The following NRG4 variants were observed in gnomAD, a reference collection of about 807,000 sequenced individuals.
NRG4 encodes the protein pro-neuregulin-4, membrane-bound isoform.
NRG4 carries 10 observed loss-of-function variants against 15.0 expected under a neutral mutation model. The ratio of observed to expected loss-of-function variants is 0.67; its 90% CI spans 0.41 to 1.13. The LOEUF (loss-of-function observed/expected upper bound fraction) is 1.13. Ranked by LOEUF, NRG4 falls within the 50% of genes most tolerant of loss-of-function variation. NRG4 has a pLI of 0.00. For missense variants in NRG4, 139 were observed against 140.2 expected, an observed-to-expected ratio of 0.99 and a Z score of 0.04; for synonymous variants, 41 against 50.1, an observed-to-expected ratio of 0.82 and a Z score of 0.77.
At chr15:75,939,604 C>T (rs1428087941), downstream of NRG4, 2 of 152,090 alleles carry the variant, frequency 1.3e-5, no homozygotes, top group Non-Finnish European at 2.9e-5. Context: ...GATTACAGAC[C>T]AGTTATTCCT....
chr15:76,030,293 C>A (rs2035440643), intron 5 of NRG4, among the ~76,000 whole-genome samples: 1 of 151,746 alleles, frequency 6.6e-6, no homozygotes, highest in African/African-American at 2.4e-5. Context: ...AACAAACAAA[C>A]AAAAACAAAG....
intron 5 of NRG4, among the ~76,000 whole-genome samples, chr15:75,955,662 A>T (rs1443220871): frequency 6.6e-6 from 1 of 152,090 alleles, no homozygotes; most frequent in Non-Finnish European, 1.5e-5. Context: ...CCAGTCCCTT[A>T]TATCTGTGTA....
At chr15:75,989,818 T>C (rs779705003) in intron 3 of NRG4, among the ~76,000 whole-genome samples, 133 of 152,350 alleles carry the variant, frequency 8.7e-4, no homozygotes, top group Non-Finnish European at 1.3e-3. Flanking sequence ...TAATTTTGCA[T>C]TGCTTGCTGA....
chr15:75,946,167 C>A (rs2031491826), intron 5 of NRG4, among the ~76,000 whole-genome samples: 1 of 152,186 alleles, frequency 6.6e-6, no homozygotes, highest in African/African-American at 2.4e-5. Flanking sequence ...CGGGAGATTT[C>A]ATCATGTTGC....
Position 75,943,269 on chromosome 15 carries a change from C to T in NRG4, c.*369G>A, listed in dbSNP as rs1239795279. ...TTTTGAAGCCACTAAGCCAGCTACT[C>T]CTTGCATTTAAAGGGTTTTCATCCT... is the stretch of plus-strand genomic sequence containing the variant. On this transcript the variant is annotated 3_prime_UTR_variant, in exon 6 of 6. Coordinates refer to ENST00000394907, the MANE Select transcript of NRG4 (RefSeq NM_138573.4). 5.3e-6 allele frequency: 1 copy of T among 190,160 alleles called. No individual in the cohort carries two copies. Among genetic ancestry groups the T allele is most frequent in the Non-Finnish European group, 1.1e-5 (1 of 93,692 alleles). 11.8% of individuals were successfully genotyped at this position (190,160 alleles called of 1,614,324 possible).
chr15:76,017,404 C>T (rs2141921817), upstream of NRG4, among the ~76,000 whole-genome samples: 1 of 151,980 alleles, frequency 6.6e-6, no homozygotes, highest in South Asian at 2.1e-4. Context: ...AGTTGTTTTG[C>T]CCCTTAGTTG....
chr15:76,009,558 A>G (rs2034732244), intron 2 of NRG4, among the ~76,000 whole-genome samples: 1 of 152,168 alleles, frequency 6.6e-6, no homozygotes, highest in Non-Finnish European at 1.5e-5. Flanking sequence ...AGGAATATCT[A>G]TATTAGTTAG....
chr15:75,954,627 G>A (rs745706276), intron 5 of NRG4, among the ~76,000 whole-genome samples: 1 of 151,338 alleles, frequency 6.6e-6, no homozygotes, highest in South Asian at 2.1e-4. Flanking sequence ...GTTTCACCAC[G>A]TTGGCCAGGC....
At chr15:75,967,481 G>C (rs937486863) in intron 3 of NRG4, among the ~76,000 whole-genome samples, 153 of 71,172 alleles carry the variant, frequency 2.1e-3, no homozygotes, top group African/African-American at 6.2e-3. Context: ...TTTTTTTTGA[G>C]ATGGAGTCTT....
At chr15:76,030,736 T>C (rs1453883238) in intron 5 of NRG4, among the ~76,000 whole-genome samples, 1 of 152,152 alleles carries the variant, frequency 6.6e-6, no homozygotes, top group Admixed American at 6.5e-5. Flanking sequence ...ATAAACAAAT[T>C]TGAATCTCTA....
chr15:75,956,082 G>T (rs1300222186), intron 4 of NRG4, 71 bp from the exon 5 acceptor site: 3 of 736,558 alleles, frequency 4.1e-6, no homozygotes, highest in Non-Finnish European at 6.4e-6. Flanking sequence ...GACCTAGAAA[G>T]AAAGTTTTTT....
chr15:76,022,123 C>A (rs1420180413), intron 5 of NRG4, among the ~76,000 whole-genome samples: 1 of 152,182 alleles, frequency 6.6e-6, no homozygotes, highest in African/African-American at 2.4e-5. Flanking sequence ...GGCCTGGTTC[C>A]TAATAGGCCA....
intron 3 of NRG4, among the ~76,000 whole-genome samples, chr15:75,966,480 G>A (rs2032801321): frequency 6.6e-6 from 1 of 152,148 alleles, no homozygotes; most frequent in Non-Finnish European, 1.5e-5. Context: ...CACTATACAA[G>A]TGTGTTTACA....
chr15:76,025,521 T>C (rs1284518434), intron 5 of NRG4, among the ~76,000 whole-genome samples: 1 of 152,000 alleles, frequency 6.6e-6, no homozygotes, highest in Non-Finnish European at 1.5e-5. Context: ...AAGAAATAGA[T>C]ATCATAAAAA....
chr15:76,021,607 T>C (rs2035157440), intron 5 of NRG4, among the ~76,000 whole-genome samples: 1 of 152,170 alleles, frequency 6.6e-6, no homozygotes, highest in South Asian at 2.1e-4. Context: ...AAAATCAGTA[T>C]CTTTTATTAT....
intron 4 of NRG4, among the ~76,000 whole-genome samples, chr15:76,045,741 T>C (rs2035854417): frequency 6.7e-6 from 1 of 149,332 alleles, no homozygotes; most frequent in Admixed American, 6.6e-5. Context: ...ATTTAACTAA[T>C]GGAGGTAGAG....
At chr15:75,956,814 G>C (rs2032264545) in intron 4 of NRG4, among the ~76,000 whole-genome samples, 2 of 152,122 alleles carry the variant, frequency 1.3e-5, no homozygotes, top group South Asian at 4.1e-4. Context: ...AACTATTACA[G>C]AAAACAATTT....
intron 5 of NRG4, among the ~76,000 whole-genome samples, chr15:75,944,149 T>C (rs963225070): frequency 4.6e-5 from 7 of 152,180 alleles, no homozygotes; most frequent in Non-Finnish European, 7.4e-5. Context: ...AGCCAGCAAG[T>C]CCTGAGACTA....
chr15:76,017,705 A>T (rs1293990243), intron 5 of NRG4, among the ~76,000 whole-genome samples: 1 of 152,166 alleles, frequency 6.6e-6, no homozygotes, highest in African/African-American at 2.4e-5. Flanking sequence ...ATCTGCTGCT[A>T]ATCTGATGAG....
Sources: allele counts gnomAD v4.1 joint callset (sites outside exome capture counted in the v4.1 genomes callset), GRCh38; gene constraint gnomAD v4.1.1; transcripts MANE v1.5; gene names NCBI Gene and HGNC (gene_info 2026-07-23, HGNC 2026-07-21).